The following JARID2 variants were observed in gnomAD, a reference collection of about 807,000 sequenced individuals.
JARID2 encodes jumonji and AT-rich interaction domain containing 2, also known as protein Jumonji.
JARID2 carries 21 observed loss-of-function variants against 125.6 expected under a neutral mutation model. The observed-to-expected ratio is 0.17, with a 90% CI of 0.12 to 0.24. The LOEUF (loss-of-function observed/expected upper bound fraction) is 0.24. Ranked by LOEUF, JARID2 falls within the 10% of genes least tolerant of loss-of-function variation. JARID2 has a pLI of 1.00. For missense variants in JARID2, 1,303 were observed against 1,639.6 expected (o/e 0.79, Z 3.55); for synonymous variants, 736 against 661.6 (o/e 1.11, Z -1.73).
chr6:15,452,097 C>G lies in JARID2; in HGVS notation c.415C>G (p.Pro139Ala), dbSNP rs774558475. ...AAAGATAGTGGAGCCATTGCTACCC[C>G]CTCCAGCTACTCAGATATCAGACCT... ...PVKIVEPLLP[P>A]PATQISDLSK... The change falls in exon 4 of 18, where the codon CCT becomes GCT. Residue 139 changes from proline to alanine, a missense_variant. By Grantham distance (27) the Pro-to-Ala change is conservative. This residue lies in a region of JARID2 where 42 missense variants were observed against 35.7 expected (regional missense o/e 1.18). Coordinates refer to ENST00000341776, the MANE Select transcript of JARID2 (RefSeq NM_004973.4). The G allele has an allele frequency of 5.6e-6, 9 of 1,613,966 alleles. No individual in the cohort carries two copies. The highest frequency in any genetic ancestry group is 1.7e-5 in the Admixed American group (1 of 60,004).
intron 1 of JARID2, among the ~76,000 whole-genome samples, chr6:15,250,089 T>C (rs1759384392): frequency 6.6e-6 from 1 of 152,218 alleles, no homozygotes; most frequent in Non-Finnish European, 1.5e-5. Context: ...GTAATTCCTG[T>C]AGTTAGCATG....
chr6:15,252,494 T>C (rs927268560), intron 1 of JARID2, among the ~76,000 whole-genome samples: 2 of 152,178 alleles, frequency 1.3e-5, no homozygotes, highest in African/African-American at 4.8e-5. Flanking sequence ...TTTAAAGTAG[T>C]CCTACTGAGG....
At chr6:15,318,747 A>G (rs773440943) in intron 1 of JARID2, among the ~76,000 whole-genome samples, 9 of 152,246 alleles carry the variant, frequency 5.9e-5, no homozygotes, top group Non-Finnish European at 1.0e-4. Flanking sequence ...GGGGTGGGAA[A>G]GGCAACAAAA....
intron 1 of JARID2, among the ~76,000 whole-genome samples, chr6:15,304,275 G>T (rs1055222291): frequency 1.4e-5 from 2 of 145,586 alleles, no homozygotes; most frequent in Non-Finnish European, 3.0e-5. Flanking sequence ...CCTGGAGCTG[G>T]TGGTAGAGAA....
At chr6:15,393,792 G>A (rs1207461315) in intron 2 of JARID2, among the ~76,000 whole-genome samples, 2 of 152,134 alleles carry the variant, frequency 1.3e-5, no homozygotes, top group Non-Finnish European at 2.9e-5. Flanking sequence ...AGGTAGTTTT[G>A]ACATTTATTT....
At position 15,415,366 on chromosome 6, in the gene JARID2, G is replaced by A. The variant is rs572612645; in HGVS notation, c.323+5001G>A. Among the ~76,000 whole-genome samples, 72 of 151,576 alleles carry A rather than the reference G, an allele frequency of 4.8e-4. 1 individual carries two copies. The highest frequency in any genetic ancestry group is 3.1e-3 in the South Asian group (15 of 4,794). Reference sequence around the variant, plus strand: ...GACGGGGCGGTGGCCGGGCAGAGGGGCTCCTCACTTCCCTGTAGGGGCGGC... The same window carrying A: ...GACGGGGCGGTGGCCGGGCAGAGGGACTCCTCACTTCCCTGTAGGGGCGGC... On this transcript the variant is annotated intron_variant, in intron 3 of 17. Transcript: ENST00000341776.
intron 2 of JARID2, among the ~76,000 whole-genome samples, chr6:15,378,004 C>T (rs1408748509): frequency 3.3e-5 from 5 of 151,734 alleles, no homozygotes; most frequent in Admixed American, 2.6e-4. Flanking sequence ...CCTGCCTCAG[C>T]CCCCAGAGTA....
intron 4 of JARID2, among the ~76,000 whole-genome samples, chr6:15,462,456 C>T (rs75192796): frequency 0.016 from 2,436 of 152,280 alleles, 69 homozygotes; most frequent in African/African-American, 0.055. Context: ...AGTGCTGATA[C>T]ATACATACGT....
intron 1 of JARID2, among the ~76,000 whole-genome samples, chr6:15,337,468 G>A (rs928715466): frequency 6.6e-6 from 1 of 152,128 alleles, no homozygotes; most frequent in Admixed American, 6.5e-5. Flanking sequence ...CAAGGTCTGA[G>A]CCCAACAGCC....
At chr6:15,518,222 C>T (rs1771658990) in intron 17 of JARID2, among the ~76,000 whole-genome samples, 1 of 152,176 alleles carries the variant, frequency 6.6e-6, no homozygotes, top group African/African-American at 2.4e-5. Flanking sequence ...TGTGGGGGTG[C>T]AGGCGGCGGC....
At chr6:15,397,414 C>G (rs763434233) in intron 2 of JARID2, among the ~76,000 whole-genome samples, 21 of 152,168 alleles carry the variant, frequency 1.4e-4, no homozygotes, top group Non-Finnish European at 2.4e-4. Flanking sequence ...ATCCACACCA[C>G]CCTACCCCTC....
chr6:15,511,864 T>G (rs1428246904), intron 13 of JARID2, among the ~76,000 whole-genome samples: 4 of 152,188 alleles, frequency 2.6e-5, no homozygotes, highest in Non-Finnish European at 1.5e-5. Flanking sequence ...GACTCCTTTG[T>G]AAGCCCAGCC....
At chr6:15,364,590 T>C (rs1763910793) in intron 1 of JARID2, among the ~76,000 whole-genome samples, 1 of 152,210 alleles carries the variant, frequency 6.6e-6, no homozygotes, top group Non-Finnish European at 1.5e-5. Flanking sequence ...TGTCTGCACT[T>C]TGAATAGTTC....
At chr6:15,411,343 C>G (rs1053229319) in intron 3 of JARID2, among the ~76,000 whole-genome samples, 1 of 151,960 alleles carries the variant, frequency 6.6e-6, no homozygotes, top group African/African-American at 2.4e-5. Flanking sequence ...ATTTAAGATT[C>G]CTGTTTTCAG....
At chr6:15,455,494 AT>A (rs1389802972) in intron 4 of JARID2, among the ~76,000 whole-genome samples, 1 of 152,110 alleles carries the variant, frequency 6.6e-6, no homozygotes, top group African/African-American at 2.4e-5. Flanking sequence ...ATAATTTGGT[AT>A]CCTTTTCTAA....
Position 15,497,013 on chromosome 6 carries a change from G to A in JARID2, c.1788G>A (p.Arg596=). ...GGGTGATCCCCCCTCCGGACTGGCG[G>A]CCCGAGTGCAAGCTCAACGATGAGA... ...MCRVIPPPDW[R]PECKLNDEMR... The change falls in exon 7 of 18, where the codon CGG becomes CGA. Residue 596 remains arginine, a synonymous_variant. Transcript: ENST00000341776. 1 of 1,613,832 alleles carries A rather than the reference G, an allele frequency of 6.2e-7. No homozygotes were observed. The highest frequency in any genetic ancestry group is 8.5e-7 in the Non-Finnish European group (1 of 1,179,908).
chr6:15,428,910 A>C (rs537800051), intron 3 of JARID2, among the ~76,000 whole-genome samples: 55 of 147,156 alleles, frequency 3.7e-4, no homozygotes, highest in Admixed American at 2.1e-3. Flanking sequence ...TGTCTCAAAA[A>C]AACAACAAAA....
chr6:15,517,618 C>T (rs1432478016), intron 17 of JARID2, among the ~76,000 whole-genome samples: 3 of 152,190 alleles, frequency 2.0e-5, no homozygotes, highest in Non-Finnish European at 4.4e-5. Flanking sequence ...TTGGCAGTGG[C>T]CTCTCCAATC....
chr6:15,498,292 G>C (rs1406288492), intron 7 of JARID2, among the ~76,000 whole-genome samples: 2 of 152,174 alleles, frequency 1.3e-5, no homozygotes. Context: ...TCTGGCTGGG[G>C]CTGTTGGAAA....
Sources: allele counts gnomAD v4.1 joint callset (sites outside exome capture counted in the v4.1 genomes callset), GRCh38; gene constraint gnomAD v4.1.1; regional missense constraint gnomAD v4.1.1; transcripts MANE v1.5; gene names NCBI Gene and HGNC (gene_info 2026-07-23, HGNC 2026-07-21).